Variants in GRM7 observed in about 807,000 individuals in gnomAD.
GRM7 encodes metabotropic glutamate receptor 7.
A neutral mutation model predicts 84.5 loss-of-function variants in GRM7; 35 were observed. That is an observed-to-expected ratio of 0.41 (90% CI 0.32 to 0.55). The LOEUF (loss-of-function observed/expected upper bound fraction) is 0.55. GRM7 is among the 20% of genes least tolerant of loss of function. GRM7 has a pLI of 0.19. For missense variants in GRM7, 1,003 were observed against 1,194.6 expected (o/e 0.84, Z 2.36); for synonymous variants, 487 against 455.1 (o/e 1.07, Z -0.89).
At chr3:6,918,590 C>G (rs1697020153) in intron 1 of GRM7, among the ~76,000 whole-genome samples, 1 of 152,102 alleles carries the variant, frequency 6.6e-6, no homozygotes, top group Non-Finnish European at 1.5e-5. Context: ...TTTATTCATT[C>G]ATTCATCTAA....
At chr3:7,421,595 C>T (rs1342754506) in intron 5 of GRM7, among the ~76,000 whole-genome samples, 1 of 151,930 alleles carries the variant, frequency 6.6e-6, no homozygotes, top group Non-Finnish European at 1.5e-5. Flanking sequence ...GATCCTTCGG[C>T]GTGCATGATT....
At chr3:6,882,009 AC>A (rs1441711311) in intron 1 of GRM7, among the ~76,000 whole-genome samples, 2 of 151,268 alleles carry the variant, frequency 1.3e-5, no homozygotes, top group Non-Finnish European at 2.9e-5. Context: ...GATAAATCCA[AC>A]TGTGGTTCAC....
intron 1 of GRM7, among the ~76,000 whole-genome samples, chr3:7,121,875 G>T (rs1296984340): frequency 6.6e-6 from 1 of 152,188 alleles, no homozygotes; most frequent in Non-Finnish European, 1.5e-5. Flanking sequence ...TAGGCCATGA[G>T]AGCAGAGCTC....
At chr3:7,656,542 C>CGT (rs1699198255) in intron 8 of GRM7, among the ~76,000 whole-genome samples, 1 of 33,866 alleles carries the variant, frequency 3.0e-5, no homozygotes, top group South Asian at 1.2e-3. Flanking sequence ...TATATATACG[C>CGT]GCGCGCACAC....
intron 2 of GRM7, among the ~76,000 whole-genome samples, chr3:7,201,405 G>A (rs1406176721): frequency 2.6e-5 from 4 of 151,952 alleles, no homozygotes; most frequent in African/African-American, 7.3e-5. Context: ...TTATATACTA[G>A]ATGTGTATAT....
intron 1 of GRM7, among the ~76,000 whole-genome samples, chr3:7,064,978 G>A (rs190051181): frequency 6.6e-6 from 1 of 151,858 alleles, no homozygotes; most frequent in East Asian, 1.9e-4. Flanking sequence ...TTGGCCATTT[G>A]TATATCTTCT....
intron 7 of GRM7, among the ~76,000 whole-genome samples, chr3:7,551,172 T>C (rs931959452): frequency 2.0e-5 from 3 of 152,134 alleles, no homozygotes; most frequent in African/African-American, 7.2e-5. Context: ...CTGTGGAAAA[T>C]AGAGGCAAGT....
At chr3:7,661,532 C>T (rs756766676) in intron 8 of GRM7, among the ~76,000 whole-genome samples, 1 of 152,060 alleles carries the variant, frequency 6.6e-6, no homozygotes, top group East Asian at 1.9e-4. Context: ...CGGTGGCTCA[C>T]GCCTGTAATC....
intron 1 of GRM7, among the ~76,000 whole-genome samples, chr3:7,111,190 C>T (rs989762170): frequency 6.6e-6 from 1 of 151,816 alleles, no homozygotes; most frequent in Non-Finnish European, 1.5e-5. Flanking sequence ...TATGTCCATA[C>T]TCAGGTGCAG....
chr3:7,651,352 C>G (rs566989159), intron 8 of GRM7, among the ~76,000 whole-genome samples: 48 of 152,292 alleles, frequency 3.2e-4, no homozygotes, highest in African/African-American at 1.1e-3. Context: ...TTTGAGTTGT[C>G]TATGAACTGC....
chr3:7,532,406 G>A (rs142998518), intron 7 of GRM7, among the ~76,000 whole-genome samples: 252 of 152,162 alleles, frequency 1.7e-3, no homozygotes, highest in African/African-American at 5.3e-3. Flanking sequence ...GTTTATTTGC[G>A]TAGAGATGTT....
intron 5 of GRM7, among the ~76,000 whole-genome samples, chr3:7,430,000 G>A (rs1696763490): frequency 6.6e-6 from 1 of 152,132 alleles, no homozygotes; most frequent in African/African-American, 2.4e-5. Context: ...CAACTTGGAA[G>A]TAGTGAGATG....
At chr3:7,313,527 G>C (rs1203167302) in intron 4 of GRM7, among the ~76,000 whole-genome samples, 1 of 151,992 alleles carries the variant, frequency 6.6e-6, no homozygotes, top group African/African-American at 2.4e-5. Flanking sequence ...ATTCACCTCT[G>C]TATACCCAGC....
At chr3:6,923,391 A>G (rs993633614) in intron 1 of GRM7, among the ~76,000 whole-genome samples, 2 of 152,154 alleles carry the variant, frequency 1.3e-5, no homozygotes, top group Non-Finnish European at 2.9e-5. Flanking sequence ...AAAAAATAAT[A>G]GTTGATTATC....
In GRM7 at chr3:7,470,023, G is replaced by A. The variant is rs146158451; in HGVS notation, c.1515+8301G>A. Reference sequence around the variant, plus strand: ...GCAATGATGTGTCCTTACTCCCCATGCAGCAAAAGCTGGCTAAATCAAAGG... The same window carrying A: ...GCAATGATGTGTCCTTACTCCCCATACAGCAAAAGCTGGCTAAATCAAAGG... On this transcript the variant is annotated intron_variant, in intron 7 of 9. Coordinates refer to ENST00000357716, the MANE Select transcript of GRM7 (RefSeq NM_000844.4). 4.5e-3 allele frequency among the ~76,000 whole-genome samples: 692 copies of A among 152,220 alleles called. 16 individuals are homozygous for A. The highest frequency in any genetic ancestry group is 0.033 in the Admixed American group (506 of 15,280).
chr3:7,409,154 G>A (rs902140443), intron 4 of GRM7, among the ~76,000 whole-genome samples: 7 of 152,004 alleles, frequency 4.6e-5, no homozygotes, highest in South Asian at 4.1e-4. Flanking sequence ...GCTTGCTCTC[G>A]TTTTTTTCAC....
Position 7,188,099 on chromosome 3 carries a change from A to C in GRM7, c.736+41431A>C, listed in dbSNP as rs189619201. On this transcript the variant is annotated intron_variant, in intron 2 of 9. Coordinates refer to ENST00000357716, the MANE Select transcript of GRM7 (RefSeq NM_000844.4). This position sits in a 1 kb window ranked among gnomAD's most constrained non-coding sequence, Gnocchi z 4.2. ...GAATGATGTGGGGTGGGTATTGGCTATTATACTTAGCATTATACTTGGGCA... is the reference window on the plus strand; with the variant it reads ...GAATGATGTGGGGTGGGTATTGGCTCTTATACTTAGCATTATACTTGGGCA... 6.6e-6 allele frequency among the ~76,000 whole-genome samples: 1 copy of C among 152,134 alleles called. No homozygotes were observed. The highest frequency in any genetic ancestry group is 2.1e-4 in the South Asian group (1 of 4,834).
intron 8 of GRM7, among the ~76,000 whole-genome samples, chr3:7,670,023 A>G (rs990248569): frequency 2.0e-5 from 3 of 146,974 alleles, no homozygotes; most frequent in East Asian, 1.9e-4. Context: ...CCAATGGGCA[A>G]TTCAACTAGC....
intron 1 of GRM7, among the ~76,000 whole-genome samples, chr3:6,919,647 T>G (rs1393506483): frequency 1.3e-5 from 2 of 151,950 alleles, no homozygotes; most frequent in South Asian, 2.1e-4. Context: ...GAAAACACTT[T>G]AAAATTTTGA....
Sources: allele counts gnomAD v4.1 joint callset (sites outside exome capture counted in the v4.1 genomes callset), GRCh38; gene constraint gnomAD v4.1.1; non-coding constraint Gnocchi (gnomAD v3.1); transcripts MANE v1.5; gene names NCBI Gene and HGNC (gene_info 2026-07-23, HGNC 2026-07-21).